Variants in ANGPTL2 observed in about 807,000 individuals in gnomAD.
The protein encoded by ANGPTL2 is angiopoietin-related protein 2.
Under a neutral mutation model 52.8 loss-of-function variants are expected in ANGPTL2, and 25 were observed. The observed-to-expected ratio is 0.47, with a 90% CI of 0.35 to 0.66. The LOEUF is 0.66. Ranked by LOEUF, ANGPTL2 falls within the 30% of genes least tolerant of loss-of-function variation. The probability of loss-of-function intolerance (pLI) is 0.01; values close to 1 mark genes in which losing one functional copy is unlikely to be tolerated. For missense variants in ANGPTL2, 546 were observed against 656.9 expected (o/e 0.83, Z 1.84); for synonymous variants, 276 against 277.4 (o/e 1.00, Z 0.05).
Position 127,108,541 on chromosome 9 carries a change from C to T in ANGPTL2, c.191G>A (p.Arg64Gln), listed in dbSNP as rs747522447. Residue 64 changes from arginine to glutamine, a missense_variant, in exon 2 of 5, where the codon CGG (arginine) becomes CAG (glutamine). Physicochemically the swap from Arg to Gln is conservative, Grantham distance 43 (BLOSUM62 1). This residue lies in a region of ANGPTL2 where 285 missense variants were observed against 295.8 expected (regional missense o/e 0.96). Coordinates refer to ENST00000373425, the MANE Select transcript of ANGPTL2 (RefSeq NM_012098.3). ...CTYTFIVPQQRVTGAICVNSK... is the reference protein window; with the variant it reads ...CTYTFIVPQQQVTGAICVNSK... ...GTTGACGCAGATGGCACCCGTGACC[C>T]GCTGCTGGGGCACAATGAAGGTGTA... 3.2e-5 allele frequency: 51 copies of T among 1,613,198 alleles called. No individual in the cohort carries two copies. The South Asian group carries it at 5.1e-4, about 16-fold the overall frequency.
chr9:127,091,692 G>C lies in ANGPTL2; in HGVS notation c.1260C>G (p.Asp420Glu). Residue 420 changes from aspartate (D) to glutamate (E), a missense_variant, in exon 4 of 5, where the codon GAC (aspartate) becomes GAG (glutamate). Physicochemically the swap from Asp to Glu is conservative, Grantham distance 45 (BLOSUM62 2). Around this residue, in one of 2 missense-constraint regions of ANGPTL2, gnomAD observed 261 missense variants for 361.0 expected, o/e 0.72. Transcript: ENST00000373425. The surrounding 1 kb of genome is among the most constrained non-coding windows in gnomAD (Gnocchi z 4.3). ...TACCTGTGTAGACATCATGATCTCT[G>C]TCCAGGGTGGTGAACTGCTTGCCGT... ...WHNGKQFTTL[D>E]RDHDVYTGNC... 2 of 1,613,856 alleles carry C rather than the reference G, an allele frequency of 1.2e-6. No individual in the cohort carries two copies. Among genetic ancestry groups the C allele is most frequent in the Non-Finnish European group, 1.7e-6 (2 of 1,180,002 alleles).
chr9:127,090,680 G>A (rs987318960), intron 4 of ANGPTL2, among the ~76,000 whole-genome samples: 24 of 152,332 alleles, frequency 1.6e-4, no homozygotes, highest in African/African-American at 5.8e-4. Context: ...GGAGGGAGTA[G>A]CCTTCTGACC....
intron 2 of ANGPTL2, 132 bp from the exon 3 acceptor site, chr9:127,094,058 CA>C: frequency 2.0e-6 from 2 of 1,012,108 alleles, no homozygotes; most frequent in Non-Finnish European, 2.8e-6. Context: ...CTGAGGTAAC[CA>C]ATTTTTGTTT....
intron 1 of ANGPTL2, among the ~76,000 whole-genome samples, chr9:127,111,268 C>G (rs1335372299): frequency 6.6e-6 from 1 of 152,152 alleles, no homozygotes; most frequent in Non-Finnish European, 1.5e-5. Flanking sequence ...TCAGTTAGAC[C>G]CTCCCTGCTG....
At chr9:127,097,229 A>G (rs906701659) in intron 2 of ANGPTL2, among the ~76,000 whole-genome samples, 6 of 152,210 alleles carry the variant, frequency 3.9e-5, no homozygotes, top group African/African-American at 1.4e-4. Flanking sequence ...CCATTTTTCA[A>G]CGATTGTAGT....
chr9:127,118,435 A>T (rs984644699), intron 1 of ANGPTL2, among the ~76,000 whole-genome samples: 1 of 152,278 alleles, frequency 6.6e-6, no homozygotes, highest in Non-Finnish European at 1.5e-5. Context: ...TTCACAAAAA[A>T]GAAATGCTAT....
chr9:127,109,665 T>C (rs1198960355), intron 1 of ANGPTL2, among the ~76,000 whole-genome samples: 1 of 152,246 alleles, frequency 6.6e-6, no homozygotes, highest in African/African-American at 2.4e-5. Context: ...CAGATGTTGA[T>C]TGAACACCTG....
At chr9:127,116,896 C>G (rs2055487320) in intron 1 of ANGPTL2, among the ~76,000 whole-genome samples, 1 of 152,182 alleles carries the variant, frequency 6.6e-6, no homozygotes, top group African/African-American at 2.4e-5. Flanking sequence ...AGTGGTGGAG[C>G]TGGGCCCAGT....
At chr9:127,095,270 C>T (rs1424306000) in intron 2 of ANGPTL2, among the ~76,000 whole-genome samples, 1 of 152,100 alleles carries the variant, frequency 6.6e-6, no homozygotes, top group Non-Finnish European at 1.5e-5. Flanking sequence ...TGGTGGCACG[C>T]ACCTGTGATC....
chr9:127,110,617 C>T (rs962178952), intron 1 of ANGPTL2, among the ~76,000 whole-genome samples: 3 of 152,190 alleles, frequency 2.0e-5, no homozygotes, highest in South Asian at 2.1e-4. Context: ...TATCTCAACT[C>T]ATCCAGAAAT....
chr9:127,092,722 C>G (rs1328205086), intron 3 of ANGPTL2, among the ~76,000 whole-genome samples: 1 of 152,098 alleles, frequency 6.6e-6, no homozygotes, highest in Non-Finnish European at 1.5e-5. Flanking sequence ...GGATTTGAAC[C>G]AAGAACCCAG....
chr9:127,110,073 C>T (rs751133511), intron 1 of ANGPTL2, among the ~76,000 whole-genome samples: 1 of 152,208 alleles, frequency 6.6e-6, no homozygotes, highest in Admixed American at 6.5e-5. Context: ...CCCTCTGCAG[C>T]TCTTGTTGCA....
chr9:127,087,357 T>C lies in ANGPTL2; in HGVS notation c.*1582A>G, dbSNP rs1396622834. 9 of 152,296 alleles carry C rather than the reference T, an allele frequency of 5.9e-5. No homozygotes were observed. Among genetic ancestry groups the C allele is most frequent in the African/African-American group, 1.9e-4 (8 of 41,372 alleles). 9.4% of individuals were successfully genotyped at this position (152,296 alleles called of 1,614,324 possible). ...TGTAGATACATCCAAATAGCACTGA[T>C]GGCTTTTATTGCAGATTCGTGTCAT... On this transcript the variant is annotated 3_prime_UTR_variant, in exon 5 of 5. Transcript: ENST00000373425.
At chr9:127,090,494 A>G (rs2052337017) in intron 4 of ANGPTL2, among the ~76,000 whole-genome samples, 1 of 152,210 alleles carries the variant, frequency 6.6e-6, no homozygotes, top group African/African-American at 2.4e-5. Flanking sequence ...TGTGTGATAC[A>G]GGGATGGGCA....
chr9:127,089,105 C>G lies in ANGPTL2; in HGVS notation c.1316G>C (p.Trp439Ser). The part of the protein sequence containing the change: ...NCAHYQKGGW[W>S]YNACAHSNLN... ...GTTGGAGTGGGCACAGGCGTTATACCACCAGCCTCCCTTCTGGTAGTGGGC... is the reference window on the plus strand; with the variant it reads ...GTTGGAGTGGGCACAGGCGTTATACGACCAGCCTCCCTTCTGGTAGTGGGC... The change falls in exon 5 of 5, where the codon TGG (tryptophan) becomes TCG (serine). Residue 439 changes from tryptophan (W) to serine (S), a missense_variant. Around this residue, in one of 2 missense-constraint regions of ANGPTL2, gnomAD observed 261 missense variants for 361.0 expected, o/e 0.72. Coordinates refer to ENST00000373425, the MANE Select transcript of ANGPTL2 (RefSeq NM_012098.3). 6.2e-7 allele frequency: 1 copy of G among 1,614,204 alleles called. No homozygotes were observed.
At chr9:127,107,805 T>G in intron 2 of ANGPTL2, 110 bp downstream of exon 2, 2 of 1,167,424 alleles carry the variant, frequency 1.7e-6, no homozygotes. Flanking sequence ...GTGCATGTCT[T>G]TGGCCTGGCT....
At chr9:127,089,626 A>T (rs1321930948) in intron 4 of ANGPTL2, among the ~76,000 whole-genome samples, 2 of 152,202 alleles carry the variant, frequency 1.3e-5, no homozygotes, top group Non-Finnish European at 2.9e-5. Context: ...AATGACAAAG[A>T]AAGTGTTTAA....
chr9:127,100,706 G>A (rs925949205), intron 2 of ANGPTL2, among the ~76,000 whole-genome samples: 2 of 152,162 alleles, frequency 1.3e-5, no homozygotes, highest in Non-Finnish European at 1.5e-5. Flanking sequence ...GTGCTGTCCT[G>A]CAGGCACATC....
At chr9:127,107,297 C>T (rs983958707) in intron 2 of ANGPTL2, among the ~76,000 whole-genome samples, 5 of 152,190 alleles carry the variant, frequency 3.3e-5, no homozygotes, top group Non-Finnish European at 2.9e-5. Context: ...CCAGCAATCC[C>T]ATTCCTCCCC....
Sources: gnomAD v4.1 joint callset for allele counts (sites outside exome capture counted in the v4.1 genomes callset) on GRCh38, gnomAD v4.1.1 for gene constraint, gnomAD v4.1.1 regional missense constraint, Gnocchi (gnomAD v3.1) non-coding constraint, MANE v1.5 for transcripts, NCBI Gene and HGNC (gene_info 2026-07-23, HGNC 2026-07-21) for gene names.